SIPA1L2: variants seen among roughly 807,000 people sequenced by gnomAD.
The protein encoded by SIPA1L2 is signal-induced proliferation-associated 1-like protein 2.
Under a neutral mutation model 163.9 loss-of-function variants are expected in SIPA1L2, and 56 were observed. That is an observed-to-expected ratio of 0.34 (90% CI 0.28 to 0.43). The LOEUF (loss-of-function observed/expected upper bound fraction) is 0.43, where lower values mean the gene tolerates loss of function less well. Among genes scored for constraint, SIPA1L2 ranks in the 20% least tolerant of loss-of-function variants. The probability of loss-of-function intolerance (pLI) is 1.00; values close to 1 mark genes in which losing one functional copy is unlikely to be tolerated. For synonymous variants in SIPA1L2, 877 were observed against 865.7 expected (o/e 1.01, Z -0.23); for missense variants, 1,974 against 2,193.5 (o/e 0.90, Z 2.00).
intron 4 of SIPA1L2, 29 bp from the exon 5 acceptor site, chr1:232,491,091 T>A (rs1665906754): frequency 6.3e-7 from 1 of 1,584,758 alleles, no homozygotes; most frequent in East Asian, 2.3e-5. Flanking sequence ...AGACTTCGGT[T>A]AATATTGATT....
At chr1:232,520,135 T>C (rs979881786) in intron 2 of SIPA1L2, among the ~76,000 whole-genome samples, 1 of 152,234 alleles carries the variant, frequency 6.6e-6, no homozygotes, top group African/African-American at 2.4e-5. Flanking sequence ...TTTGTCTACA[T>C]ACAGTTTTCT....
At chr1:232,592,670 C>T (rs987764230) in intron 1 of SIPA1L2, among the ~76,000 whole-genome samples, 1 of 152,024 alleles carries the variant, frequency 6.6e-6, no homozygotes, top group Non-Finnish European at 1.5e-5. Flanking sequence ...TTTTCTAGAA[C>T]TAAACAACAA....
At chr1:232,448,822 C>T (rs897453849) in intron 10 of SIPA1L2, among the ~76,000 whole-genome samples, 12 of 152,188 alleles carry the variant, frequency 7.9e-5, no homozygotes, top group Middle Eastern at 3.2e-3. Flanking sequence ...GAGGTCCACA[C>T]AGCGCCTGGC....
chr1:232,489,897 TATTC>T (rs1385947994), intron 5 of SIPA1L2, among the ~76,000 whole-genome samples: 2 of 152,218 alleles, frequency 1.3e-5, no homozygotes, highest in African/African-American at 4.8e-5. Context: ...CTTTTTTCCA[TATTC>T]TGAACCACCA....
intron 3 of SIPA1L2, among the ~76,000 whole-genome samples, chr1:232,510,558 G>A (rs1271891048): frequency 6.6e-6 from 1 of 152,196 alleles, no homozygotes; most frequent in Non-Finnish European, 1.5e-5. Flanking sequence ...GTTTGATGAT[G>A]TCATTTGCAA....
chr1:232,404,153 C>T lies in SIPA1L2; in HGVS notation c.4788G>A (p.Gly1596=). 6.2e-7 allele frequency: 1 copy of T among 1,614,042 alleles called. No homozygotes were observed. Among genetic ancestry groups the T allele is most frequent in the Non-Finnish European group, 8.5e-7 (1 of 1,180,004 alleles). Residue 1596 remains glycine, a synonymous_variant, in exon 20 of 23, where the codon GGG becomes GGA. Coordinates refer to ENST00000674635, the MANE Select transcript of SIPA1L2 (RefSeq NM_020808.5). The part of the protein sequence containing the change: ...FEGLDSDEEL[G]LLCHHTSYLD... ...GATAGGACGTGTGGTGACAGAGCAGCCCCAGTTCTTCATCTGAGTCAAGAC... is the reference window on the plus strand; with the variant it reads ...GATAGGACGTGTGGTGACAGAGCAGTCCCAGTTCTTCATCTGAGTCAAGAC...
intron 1 of SIPA1L2, among the ~76,000 whole-genome samples, chr1:232,627,505 C>A (rs1317709369): frequency 6.6e-6 from 1 of 151,770 alleles, no homozygotes; most frequent in Non-Finnish European, 1.5e-5. Flanking sequence ...TTCAAAACAC[C>A]ATCCCAGTCT....
intron 10 of SIPA1L2, among the ~76,000 whole-genome samples, chr1:232,448,397 C>T (rs571451271): frequency 6.6e-6 from 1 of 152,326 alleles, no homozygotes; most frequent in East Asian, 1.9e-4. Context: ...ACAACACTTC[C>T]TAATATTTGC....
At chr1:232,469,720 T>A (rs1337055022) in intron 8 of SIPA1L2, among the ~76,000 whole-genome samples, 1 of 152,144 alleles carries the variant, frequency 6.6e-6, no homozygotes, top group Admixed American at 6.5e-5. Flanking sequence ...TACTTTGTTA[T>A]ATGTAAGAGA....
intron 1 of SIPA1L2, among the ~76,000 whole-genome samples, chr1:232,613,864 A>G (rs1233282062): frequency 6.6e-6 from 1 of 152,240 alleles, no homozygotes; most frequent in Non-Finnish European, 1.5e-5. Flanking sequence ...ATGGGTTTGA[A>G]CACAAAAATG....
rs1352418935 is a variant in SIPA1L2 at position 232,599,866 on chromosome 1, T to G, written c.-318-25644A>C. On this transcript the variant is annotated intron_variant, in intron 1 of 22. Transcript: ENST00000674635. ...TGCTCGAAAGTATTCAACAAACCATTTATTAACCACATATCTACCTAGGCA... is the reference window on the plus strand; with the variant it reads ...TGCTCGAAAGTATTCAACAAACCATGTATTAACCACATATCTACCTAGGCA... 5.9e-5 allele frequency among the ~76,000 whole-genome samples: 9 copies of G among 152,330 alleles called. 1 individual carries two copies. Among genetic ancestry groups the G allele is most frequent in the Admixed American group, 3.9e-4 (6 of 15,296 alleles).
intron 2 of SIPA1L2, among the ~76,000 whole-genome samples, chr1:232,545,432 G>C (rs77711429): frequency 0.036 from 5,549 of 152,172 alleles, 323 homozygotes; most frequent in African/African-American, 0.13. Context: ...TGGTTGGCTT[G>C]GTTTGTTTTT....
At chr1:232,441,417 T>G in intron 13 of SIPA1L2, 23 bp from the exon 14 acceptor site, 1 of 1,572,546 alleles carries the variant, frequency 6.4e-7, no homozygotes, top group Admixed American at 1.8e-5. Flanking sequence ...AAGAGAGGAG[T>G]TGAATTTCCA....
intron 1 of SIPA1L2, among the ~76,000 whole-genome samples, chr1:232,611,251 T>C (rs1429037339): frequency 6.6e-6 from 1 of 152,208 alleles, no homozygotes; most frequent in African/African-American, 2.4e-5. Flanking sequence ...CAGTCTCAAA[T>C]ATATCTTTAT....
At chr1:232,487,727 C>T (rs1665716995) in intron 5 of SIPA1L2, among the ~76,000 whole-genome samples, 1 of 103,380 alleles carries the variant, frequency 9.7e-6, no homozygotes, top group Admixed American at 9.2e-5. Flanking sequence ...AAATTCTCCA[C>T]AGTGTTTGAC....
chr1:232,586,040 G>A (rs560257856), intron 1 of SIPA1L2, among the ~76,000 whole-genome samples: 2 of 152,270 alleles, frequency 1.3e-5, no homozygotes, highest in East Asian at 3.9e-4. Context: ...AACACAAAAA[G>A]AAGATAATAT....
At chr1:232,492,344 T>A (rs747446854) in intron 4 of SIPA1L2, among the ~76,000 whole-genome samples, 7 of 152,174 alleles carry the variant, frequency 4.6e-5, no homozygotes, top group Non-Finnish European at 7.3e-5. Flanking sequence ...CTAATTCTTT[T>A]CTTTTTTAAG....
chr1:232,481,628 G>A lies in SIPA1L2; in HGVS notation c.1982-1898C>T, dbSNP rs1396851299. Among the ~76,000 whole-genome samples, 4 of 152,238 alleles carry A rather than the reference G, an allele frequency of 2.6e-5. No homozygotes were observed. The South Asian group carries it at 6.2e-4, about 24-fold the overall frequency. On this transcript the variant is annotated intron_variant, in intron 6 of 22. Coordinates refer to ENST00000674635, the MANE Select transcript of SIPA1L2 (RefSeq NM_020808.5). ...AACAAGGCTTGTTGTTCTGGGGTTT[G>A]CTATAAATATTTCTATTCAAAAAGG...
intron 1 of SIPA1L2, among the ~76,000 whole-genome samples, chr1:232,612,930 G>A (rs1573175851): frequency 6.6e-6 from 1 of 151,778 alleles, no homozygotes; most frequent in East Asian, 1.9e-4. Flanking sequence ...ATTCCTACAC[G>A]TTGTGGGAGG....
Sources: allele counts gnomAD v4.1 joint callset (sites outside exome capture counted in the v4.1 genomes callset), GRCh38; gene constraint gnomAD v4.1.1; transcripts MANE v1.5; gene names NCBI Gene and HGNC (gene_info 2026-07-23, HGNC 2026-07-21).